Variants in SRRM4 observed in about 807,000 individuals in gnomAD.
SRRM4 encodes the protein serine/arginine repetitive matrix 4, also known as serine/arginine repetitive matrix protein 4.
Under a neutral mutation model 68.9 loss-of-function variants are expected in SRRM4, and 33 were observed. The observed-to-expected ratio is 0.48, with a 90% CI of 0.36 to 0.64. The LOEUF (loss-of-function observed/expected upper bound fraction) is 0.64, where lower values mean the gene tolerates loss of function less well. SRRM4 is among the 30% of genes least tolerant of loss of function. The pLI is 0.00. For missense variants in SRRM4, 817 were observed against 827.1 expected (o/e 0.99, Z 0.15); for synonymous variants, 318 against 318.8 (o/e 1.00, Z 0.03).
chr12:119,065,821 A>G (rs1029379284), intron 1 of SRRM4, among the ~76,000 whole-genome samples: 5 of 151,996 alleles, frequency 3.3e-5, no homozygotes, highest in African/African-American at 1.2e-4. Context: ...GGATGGATGG[A>G]CAGATAGATG....
rs549257923 is a variant in SRRM4 at position 119,131,711 on chromosome 12, C to T, written c.771+877C>T. Among the ~76,000 whole-genome samples the T allele has an allele frequency of 1.2e-4, 19 of 152,286 alleles. 1 individual carries two copies. The highest frequency in any genetic ancestry group is 8.5e-4 in the Admixed American group (13 of 15,306). On this transcript the variant is annotated intron_variant, in intron 8 of 12. Coordinates refer to ENST00000267260, the MANE Select transcript of SRRM4 (RefSeq NM_194286.4). ...CTCATTGGTAAACTTGAAGTAAATA[C>T]CACTTCCGTATGGAATTGTTGGGAC... is the stretch of plus-strand genomic sequence containing the variant.
chr12:118,988,520 C>T (rs1220452897), intron 1 of SRRM4, among the ~76,000 whole-genome samples: 1 of 152,160 alleles, frequency 6.6e-6, no homozygotes, highest in Non-Finnish European at 1.5e-5. Context: ...GAAATCTAGT[C>T]TGCATTCCAT....
At chr12:118,999,153 C>G (rs547732416) in intron 1 of SRRM4, among the ~76,000 whole-genome samples, 1 of 152,202 alleles carries the variant, frequency 6.6e-6, no homozygotes, top group Non-Finnish European at 1.5e-5. Flanking sequence ...ACCCAGCCCC[C>G]ACACTGCTGA....
intron 1 of SRRM4, among the ~76,000 whole-genome samples, chr12:118,990,887 T>C (rs1020178707): frequency 6.6e-6 from 1 of 152,224 alleles, no homozygotes; most frequent in East Asian, 1.9e-4. Context: ...TGGTGCGAAC[T>C]CAGCTCACTG....
At chr12:119,134,353 T>C (rs911208122) in intron 8 of SRRM4, among the ~76,000 whole-genome samples, 2 of 148,412 alleles carry the variant, frequency 1.3e-5, no homozygotes, top group African/African-American at 5.0e-5. Context: ...ACCATCTCTG[T>C]TCAAGGTACT....
intron 1 of SRRM4, among the ~76,000 whole-genome samples, chr12:118,998,268 C>CAAAAAAGA (rs1953361548): frequency 2.7e-5 from 1 of 36,574 alleles, no homozygotes; most frequent in African/African-American, 1.2e-4. Context: ...AGCAATATGG[C>CAAAAAAGA]AAAAAAAAAA....
At chr12:119,030,804 C>A (rs140998244) in intron 1 of SRRM4, among the ~76,000 whole-genome samples, 1 of 152,242 alleles carries the variant, frequency 6.6e-6, no homozygotes, top group African/African-American at 2.4e-5. Context: ...AAAATTAGTG[C>A]TATTCGACCT....
chr12:119,080,444 ACT>A (rs1953941247), intron 1 of SRRM4, among the ~76,000 whole-genome samples: 1 of 152,192 alleles, frequency 6.6e-6, no homozygotes, highest in African/African-American at 2.4e-5. Flanking sequence ...CTATGTGATA[ACT>A]CATTTAATCC....
intron 1 of SRRM4, among the ~76,000 whole-genome samples, chr12:119,028,726 C>A (rs547617778): frequency 2.0e-4 from 31 of 152,256 alleles, no homozygotes; most frequent in Non-Finnish European, 3.8e-4. Context: ...TTTATTGTAC[C>A]ATGCTGTCCC....
intron 7 of SRRM4, among the ~76,000 whole-genome samples, chr12:119,130,115 AGATG>A (rs1392640434): frequency 7.0e-6 from 1 of 143,506 alleles, no homozygotes; most frequent in Non-Finnish European, 1.5e-5. Flanking sequence ...ATGAATAGTT[AGATG>A]GATGGATGGA....
chr12:119,019,767 G>A (rs1292706507), intron 1 of SRRM4, among the ~76,000 whole-genome samples: 4 of 152,206 alleles, frequency 2.6e-5, no homozygotes, highest in African/African-American at 9.6e-5. Flanking sequence ...TTGAGGAGTA[G>A]GGCTCTGTGG....
chr12:119,055,022 G>C (rs1226914528), intron 1 of SRRM4, among the ~76,000 whole-genome samples: 1 of 152,136 alleles, frequency 6.6e-6, no homozygotes, highest in Non-Finnish European at 1.5e-5. Context: ...CCTTTCTGGA[G>C]CTGGAGTGAA....
chr12:119,059,575 A>C (rs1381666470), intron 1 of SRRM4, among the ~76,000 whole-genome samples: 3 of 152,160 alleles, frequency 2.0e-5, no homozygotes, highest in African/African-American at 7.2e-5. Flanking sequence ...CATTAGGGAA[A>C]TGTCTCCCTG....
intron 2 of SRRM4, among the ~76,000 whole-genome samples, chr12:119,105,014 C>T (rs1435481734): frequency 1.4e-5 from 2 of 141,268 alleles, no homozygotes; most frequent in Admixed American, 7.6e-5. Context: ...GTTCCCCATC[C>T]TGTGTCCAAG....
chr12:119,130,353 T>C (rs558751742), intron 7 of SRRM4, among the ~76,000 whole-genome samples: 1 of 150,686 alleles, frequency 6.6e-6, no homozygotes, highest in East Asian at 2.0e-4. Flanking sequence ...GTTGGATTGA[T>C]GGATGGATGA....
chr12:119,160,098 C>T lies in SRRM4; in HGVS notation c.*3300C>T, dbSNP rs1954500631. 6.6e-6 allele frequency: 1 copy of T among 152,274 alleles called. No homozygotes were observed. The highest frequency in any genetic ancestry group is 2.1e-4 in the South Asian group (1 of 4,826). 9.4% of individuals were successfully genotyped at this position (152,274 alleles called of 1,614,324 possible). A position where few individuals can be genotyped will look rare whatever the true frequency, so the allele number is the denominator to read the frequency against. On this transcript the variant is annotated 3_prime_UTR_variant, in exon 13 of 13. Transcript: ENST00000267260. ...CCTTGCAATTGCCAGCTTGTCTGGT[C>T]CAGCTTTGGGTTTGGTGAGACTTTT...
intron 1 of SRRM4, among the ~76,000 whole-genome samples, chr12:119,004,587 C>T (rs1292108371): frequency 6.6e-6 from 1 of 151,962 alleles, no homozygotes; most frequent in Non-Finnish European, 1.5e-5. Flanking sequence ...GAACTAGCCT[C>T]CTGCTAGCAA....
At chr12:119,150,924 C>A in intron 9 of SRRM4, 93 bp from the exon 10 acceptor site, 1 of 1,154,440 alleles carries the variant, frequency 8.7e-7, no homozygotes, top group Non-Finnish European at 1.3e-6. Context: ...TCTATGAGAG[C>A]ACCACAGCCT....
chr12:118,993,220 G>C (rs957311047), intron 1 of SRRM4, among the ~76,000 whole-genome samples: 3 of 152,146 alleles, frequency 2.0e-5, no homozygotes, highest in African/African-American at 7.2e-5. Context: ...ACCCCAAAGA[G>C]GTTGTTCACT....
Sources: gnomAD v4.1 joint callset for allele counts (sites outside exome capture counted in the v4.1 genomes callset) on GRCh38, gnomAD v4.1.1 for gene constraint, MANE v1.5 for transcripts, NCBI Gene and HGNC (gene_info 2026-07-23, HGNC 2026-07-21) for gene names.